CERK: variants seen among roughly 807,000 people sequenced by gnomAD.
CERK encodes ceramide kinase, also known as acylsphingosine kinase.
CERK carries 39 observed loss-of-function variants against 63.4 expected under a neutral mutation model. The observed-to-expected ratio is 0.61, with a 90% CI of 0.48 to 0.80. The LOEUF is 0.80. Ranked by LOEUF, CERK falls within the 30% of genes least tolerant of loss-of-function variation. The pLI is 0.00. For synonymous variants in CERK, 302 were observed against 280.0 expected (o/e 1.08, Z -0.78); for missense variants, 670 against 714.1 (o/e 0.94, Z 0.70).
chr22:46,729,542 G>A (rs1371393885), intron 1 of CERK, among the ~76,000 whole-genome samples: 2 of 151,958 alleles, frequency 1.3e-5, no homozygotes, highest in African/African-American at 4.8e-5. Context: ...CTGAGTAGCT[G>A]GGACTACAGG....
chr22:46,697,093 A>G (rs2146548896), intron 8 of CERK, among the ~76,000 whole-genome samples: 1 of 152,324 alleles, frequency 6.6e-6, no homozygotes, highest in East Asian at 1.9e-4. Context: ...TTCAAGCCAC[A>G]CTAGTTTTTA....
At chr22:46,727,986 C>T (rs1271115101) in intron 1 of CERK, among the ~76,000 whole-genome samples, 1 of 152,202 alleles carries the variant, frequency 6.6e-6, no homozygotes, top group Non-Finnish European at 1.5e-5. Context: ...CACGTGGCAG[C>T]CAACACACAG....
intron 3 of CERK, among the ~76,000 whole-genome samples, chr22:46,719,123 A>G (rs1161067656): frequency 6.6e-6 from 1 of 151,906 alleles, no homozygotes; most frequent in Non-Finnish European, 1.5e-5. Flanking sequence ...TGTTATGAAT[A>G]CAAAATGAAT....
chr22:46,729,746 A>G (rs556455642), intron 1 of CERK, among the ~76,000 whole-genome samples: 3 of 152,326 alleles, frequency 2.0e-5, no homozygotes, highest in African/African-American at 4.8e-5. Context: ...CAAAGACTTC[A>G]AAGTAGTCTT....
At position 46,714,232 on chromosome 22, in the gene CERK, T is replaced by C. The variant is rs2082856930; in HGVS notation, c.380-1939A>G. 6.6e-6 allele frequency among the ~76,000 whole-genome samples: 1 copy of C among 152,024 alleles called. No homozygotes were observed. The highest frequency in any genetic ancestry group is 1.5e-5 in the Non-Finnish European group (1 of 67,988). On this transcript the variant is annotated intron_variant, in intron 3 of 12. Transcript: ENST00000216264. The surrounding 1 kb of genome is among the most constrained non-coding windows in gnomAD (Gnocchi z 4.4). ...GTTGCAGTGAGCCAAGATCGCGCCA[T>C]TGCACTCCAGCCTGGGTGACAGAGT...
At chr22:46,699,072 G>T (rs1350776495) in intron 8 of CERK, among the ~76,000 whole-genome samples, 1 of 152,088 alleles carries the variant, frequency 6.6e-6, no homozygotes, top group African/African-American at 2.4e-5. Flanking sequence ...GTCCGTCATG[G>T]TGTCTACTCT....
chr22:46,721,816 G>T (rs927500957), intron 1 of CERK, among the ~76,000 whole-genome samples: 1 of 152,154 alleles, frequency 6.6e-6, no homozygotes. Context: ...ACTTCCAGGG[G>T]CCCAGGGGAT....
chr22:46,733,360 C>G (rs1472336287), intron 1 of CERK, among the ~76,000 whole-genome samples: 1 of 151,354 alleles, frequency 6.6e-6, no homozygotes, highest in African/African-American at 2.4e-5. Flanking sequence ...GTGGTGCAAT[C>G]ACAGCTCACT....
At chr22:46,687,640 CTG>C (rs1460593134) in intron 12 of CERK, among the ~76,000 whole-genome samples, 1 of 148,890 alleles carries the variant, frequency 6.7e-6, no homozygotes, top group Non-Finnish European at 1.5e-5. Flanking sequence ...TGCGAGGAGT[CTG>C]TGCGGGGCGA....
rs1240175127 is a variant in CERK, at chr22:46,685,684, C to T, written c.*1450G>A. The T allele has an allele frequency of 6.6e-6, 1 of 152,168 alleles. No homozygotes were observed. Among genetic ancestry groups the T allele is most frequent in the Non-Finnish European group, 1.5e-5 (1 of 68,034 alleles). 9.4% of individuals were successfully genotyped at this position (152,168 alleles called of 1,614,324 possible). The stretch of plus-strand genomic sequence containing the variant: ...GCACAGTGCTCTCTGATAATGTGGT[C>T]CATAAAAACCACCATTAAAGCTGCC... On this transcript the variant is annotated 3_prime_UTR_variant, in exon 13 of 13. Coordinates refer to ENST00000216264, the MANE Select transcript of CERK (RefSeq NM_022766.6).
At chr22:46,727,446 TTTC>T (rs1279600247) in intron 1 of CERK, among the ~76,000 whole-genome samples, 3 of 47,964 alleles carry the variant, frequency 6.3e-5, no homozygotes, top group African/African-American at 1.2e-4. Flanking sequence ...TGCCCAGCTG[TTTC>T]TTTTTTTTTT....
rs117218279 is a variant in CERK at position 46,698,047 on chromosome 22, G to A, written c.943+1266C>T. On this transcript the variant is annotated intron_variant, in intron 8 of 12. Coordinates refer to ENST00000216264, the MANE Select transcript of CERK (RefSeq NM_022766.6). ...GAAGCCCACCCAGACCTGCCGTGTTGGATGCTCTGGGGGGTCCCCGCAGCC... is the reference window on the plus strand; with the variant it reads ...GAAGCCCACCCAGACCTGCCGTGTTAGATGCTCTGGGGGGTCCCCGCAGCC... Among the ~76,000 whole-genome samples, 90 of 152,328 alleles carry A rather than the reference G, an allele frequency of 5.9e-4. 2 individuals carry two copies. In the East Asian group the frequency reaches 0.017, roughly 28 times the overall value.
chr22:46,721,418 G>A lies in CERK; in HGVS notation c.143-403C>T, dbSNP rs558517667. 1.5e-4 allele frequency among the ~76,000 whole-genome samples: 22 copies of A among 151,070 alleles called. No individual in the cohort carries two copies. In the South Asian group the frequency reaches 2.1e-3, roughly 14 times the overall value. The stretch of plus-strand genomic sequence containing the variant: ...CGCCATTCTCCTGCCTCAGCCTCCC[G>A]AACAGCTTTTTTAATACCCCCTCCC... On this transcript the variant is annotated intron_variant, in intron 1 of 12. Transcript: ENST00000216264.
chr22:46,716,784 A>G (rs1480143984), intron 3 of CERK, among the ~76,000 whole-genome samples: 1 of 151,864 alleles, frequency 6.6e-6, no homozygotes, highest in Non-Finnish European at 1.5e-5. Context: ...ACTAAAAAAT[A>G]CAAAAAAACT....
At chr22:46,702,317 C>T (rs1194115146) in intron 6 of CERK, among the ~76,000 whole-genome samples, 1 of 134,132 alleles carries the variant, frequency 7.5e-6, no homozygotes, top group African/African-American at 2.9e-5. Context: ...TTTTCCGAGA[C>T]GGAGTCTTGC....
intron 7 of CERK, 24 bp from the exon 8 acceptor site, chr22:46,699,489 G>T: frequency 6.2e-7 from 1 of 1,612,608 alleles, no homozygotes; most frequent in Non-Finnish European, 8.5e-7. Flanking sequence ...CGGCCGTGAG[G>T]GAAGGCAGCC....
chr22:46,732,580 T>C (rs1382966276), intron 1 of CERK, among the ~76,000 whole-genome samples: 2 of 145,720 alleles, frequency 1.4e-5, no homozygotes, highest in African/African-American at 5.1e-5. Context: ...GGTCAAAGGA[T>C]ATCACTTTTT....
intron 1 of CERK, chr22:46,735,036 C>T (rs1244612445): frequency 6.6e-6 from 1 of 152,346 alleles, no homozygotes; most frequent in Non-Finnish European, 1.5e-5. Flanking sequence ...GAGGATCCTC[C>T]CACAAAGGTA....
intron 7 of CERK, 78 bp downstream of exon 7, chr22:46,701,558 C>G: frequency 8.0e-7 from 1 of 1,257,844 alleles, no homozygotes; most frequent in Non-Finnish European, 1.1e-6. Context: ...GAACACGCGA[C>G]GGGGACCAGA....
Sources: gnomAD v4.1 joint callset for allele counts (sites outside exome capture counted in the v4.1 genomes callset) on GRCh38, gnomAD v4.1.1 for gene constraint, Gnocchi (gnomAD v3.1) non-coding constraint, MANE v1.5 for transcripts, NCBI Gene and HGNC (gene_info 2026-07-23, HGNC 2026-07-21) for gene names.